BTRC: variants seen among roughly 807,000 people sequenced by gnomAD.
BTRC encodes the protein beta-transducin repeat containing E3 ubiquitin protein ligase.
Under a neutral mutation model 85.5 loss-of-function variants are expected in BTRC, and 42 were observed. The ratio of observed to expected loss-of-function variants is 0.49; its 90% CI spans 0.38 to 0.64. The LOEUF (loss-of-function observed/expected upper bound fraction) is 0.64, where lower values mean the gene tolerates loss of function less well. Ranked by LOEUF, BTRC falls within the 30% of genes least tolerant of loss-of-function variation. The pLI, the probability that BTRC is intolerant of heterozygous loss-of-function variation, is 0.00. For missense variants in BTRC, 594 were observed against 743.5 expected, an observed-to-expected ratio of 0.80 and a Z score of 2.34; for synonymous variants, 255 against 263.3, an observed-to-expected ratio of 0.97 and a Z score of 0.30.
At chr10:101,519,804 T>C (rs1159792171) in intron 4 of BTRC, among the ~76,000 whole-genome samples, 2 of 152,172 alleles carry the variant, frequency 1.3e-5, no homozygotes, top group Admixed American at 6.5e-5. Context: ...GAGAACAGCC[T>C]GACCAACATG....
intron 1 of BTRC, among the ~76,000 whole-genome samples, chr10:101,430,032 TG>T (rs1347335699): frequency 1.3e-5 from 2 of 152,182 alleles, no homozygotes; most frequent in East Asian, 3.8e-4. Context: ...GGAAAATAAT[TG>T]ATCAACTGGA....
chr10:101,437,394 TATCC>T (rs1159569839), intron 2 of BTRC, among the ~76,000 whole-genome samples: 3 of 152,214 alleles, frequency 2.0e-5, no homozygotes, highest in Non-Finnish European at 4.4e-5. Flanking sequence ...TGAAATGACT[TATCC>T]ATCCATGTGT....
chr10:101,463,479 C>T (rs901709716), intron 3 of BTRC, among the ~76,000 whole-genome samples: 1 of 152,218 alleles, frequency 6.6e-6, no homozygotes, highest in Admixed American at 6.5e-5. Context: ...CACACCTGGC[C>T]CTGTATTCAT....
chr10:101,360,399 A>G (rs1590196788), intron 1 of BTRC, among the ~76,000 whole-genome samples: 13 of 92,164 alleles, frequency 1.4e-4, no homozygotes, highest in South Asian at 3.5e-4. Flanking sequence ...TTTGAGATGG[A>G]GTCTTGCTCT....
chr10:101,364,218 A>G (rs1942298268), intron 1 of BTRC, among the ~76,000 whole-genome samples: 1 of 152,186 alleles, frequency 6.6e-6, no homozygotes, highest in South Asian at 2.1e-4. Flanking sequence ...TGGTTGCTGA[A>G]TAATACCTGT....
intron 1 of BTRC, chr10:101,364,856 C>T (rs1252533839): frequency 6.0e-5 from 9 of 148,764 alleles, no homozygotes; most frequent in Non-Finnish European, 1.3e-4. Context: ...GCGAGTGCAC[C>T]GTTCCTGGAG....
chr10:101,374,388 T>G (rs2134558033), intron 1 of BTRC, among the ~76,000 whole-genome samples: 1 of 151,644 alleles, frequency 6.6e-6, no homozygotes, highest in East Asian at 1.9e-4. Flanking sequence ...AACCCAAATG[T>G]CCAACAACGA....
chr10:101,420,034 G>C (rs1944056486), intron 1 of BTRC, among the ~76,000 whole-genome samples: 1 of 119,816 alleles, frequency 8.3e-6, no homozygotes, highest in Admixed American at 9.4e-5. Flanking sequence ...TAGTCAGTCT[G>C]TGTGTGTCTG....
At chr10:101,366,890 ATATATATTTATATATATTAATATATATTT>A (rs1942425452) in intron 1 of BTRC, among the ~76,000 whole-genome samples, 1 of 24,640 alleles carries the variant, frequency 4.1e-5, no homozygotes, top group South Asian at 1.0e-3. Context: ...ATATATATTT[ATATATATTTATATATATTAATATATATTT>A]ATATATATTT....
intron 3 of BTRC, among the ~76,000 whole-genome samples, chr10:101,470,229 C>G (rs1020463098): frequency 1.3e-5 from 2 of 151,662 alleles, no homozygotes; most frequent in Non-Finnish European, 2.9e-5. Context: ...GATATATGTA[C>G]TCTGATTATA....
intron 4 of BTRC, among the ~76,000 whole-genome samples, chr10:101,509,272 T>G (rs1254245862): frequency 1.8e-5 from 2 of 108,648 alleles, no homozygotes; most frequent in Non-Finnish European, 4.1e-5. Flanking sequence ...TTTTTTTTTT[T>G]GAGACAGAGT....
chr10:101,390,354 C>T (rs113746548), intron 1 of BTRC, among the ~76,000 whole-genome samples: 1,209 of 37,014 alleles, frequency 0.033, 39 homozygotes, highest in Middle Eastern at 0.083. Context: ...TTTTTTTTTT[C>T]CGAGACGGAG....
At chr10:101,404,022 A>ATTTT (rs1943554315) in intron 1 of BTRC, among the ~76,000 whole-genome samples, 2 of 24,836 alleles carry the variant, frequency 8.1e-5, no homozygotes, top group African/African-American at 1.3e-4. Context: ...ATATATATAT[A>ATTTT]TATATATATT....
chr10:101,498,844 G>A (rs1413432042), intron 4 of BTRC, among the ~76,000 whole-genome samples: 1 of 151,932 alleles, frequency 6.6e-6, no homozygotes, highest in African/African-American at 2.4e-5. Flanking sequence ...TACAAAAAAA[G>A]TAGCTGGGTG....
At chr10:101,543,317 T>C (rs1359986685) in intron 13 of BTRC, among the ~76,000 whole-genome samples, 1 of 152,230 alleles carries the variant, frequency 6.6e-6, no homozygotes, top group Admixed American at 6.5e-5. Context: ...ATTAATACTT[T>C]GATATTATAT....
At chr10:101,375,786 CT>C (rs570703235) in intron 1 of BTRC, among the ~76,000 whole-genome samples, 47 of 152,278 alleles carry the variant, frequency 3.1e-4, no homozygotes, top group African/African-American at 1.1e-3. Flanking sequence ...ATTCTTAGTT[CT>C]TTTTCCCCCC....
At chr10:101,364,692 A>G (rs904747100) in intron 1 of BTRC, among the ~76,000 whole-genome samples, 2 of 152,200 alleles carry the variant, frequency 1.3e-5, no homozygotes, top group African/African-American at 4.8e-5. Context: ...TACTACACCA[A>G]ACTGTTAATG....
At position 101,400,409 on chromosome 10, in the gene BTRC, C is replaced by G. The variant is rs1363854638; in HGVS notation, c.49-29936C>G. The stretch of plus-strand genomic sequence containing the variant: ...AACTTGGTTTGCAGTCATTGAAATA[C>G]TGCTGAGTATCGGGATCCTTTCATG... On this transcript the variant is annotated intron_variant, in intron 1 of 14. Coordinates refer to ENST00000370187, the MANE Select transcript of BTRC (RefSeq NM_033637.4). Among the ~76,000 whole-genome samples, 3 of 130,864 alleles carry G rather than the reference C, an allele frequency of 2.3e-5. No individual in the cohort carries two copies. The Admixed American group carries it at 2.3e-4, about 10-fold the overall frequency. 85.9% of individuals were successfully genotyped at this position (130,864 alleles called of 152,430 possible).
chr10:101,381,198 A>C (rs188791452), intron 1 of BTRC, among the ~76,000 whole-genome samples: 1 of 152,236 alleles, frequency 6.6e-6, no homozygotes, highest in African/African-American at 2.4e-5. Context: ...TAGACACTAT[A>C]TATATTAACT....
Sources: allele counts gnomAD v4.1 joint callset (sites outside exome capture counted in the v4.1 genomes callset), GRCh38; gene constraint gnomAD v4.1.1; transcripts MANE v1.5; gene names NCBI Gene and HGNC (gene_info 2026-07-23, HGNC 2026-07-21).